Variants in GPR161 observed in about 807,000 individuals in gnomAD.
GPR161 encodes G protein-coupled receptor 161.
A neutral mutation model predicts 39.2 loss-of-function variants in GPR161; 25 were observed. That is an observed-to-expected ratio of 0.64 (90% CI 0.47 to 0.89). GPR161 has a LOEUF of 0.89. Ranked by LOEUF, GPR161 falls within the 40% of genes least tolerant of loss-of-function variation. GPR161 has a pLI of 0.00. For missense variants in GPR161, 547 were observed against 677.8 expected (o/e 0.81, Z 2.14); for synonymous variants, 286 against 276.6 (o/e 1.03, Z -0.34).
At position 168,100,488 on chromosome 1, in the gene GPR161, G is replaced by A. The variant is rs1383972372; in HGVS notation, c.375-3256C>T. On this transcript the variant is annotated intron_variant, in intron 2 of 5. Coordinates refer to ENST00000682931, the MANE Select transcript of GPR161 (RefSeq NM_001375883.1). ...TTTCCTCCAACTCATTTTTAGACAT[G>A]AGCCCAATCACGACCCTTGAACCCT... Among the ~76,000 whole-genome samples the A allele has an allele frequency of 3.9e-5, 6 of 152,216 alleles. No homozygotes were observed. The Middle Eastern group carries it at 0.017, about 431-fold the overall frequency.
chr1:168,136,056 G>C, intron 1 of GPR161: 2 of 1,249,488 alleles, frequency 1.6e-6, no homozygotes, highest in East Asian at 3.2e-5. Context: ...AGGTTGCACG[G>C]GGGTTAAGCT....
chr1:168,091,301 G>A (rs1402313538), intron 3 of GPR161, among the ~76,000 whole-genome samples: 2 of 152,178 alleles, frequency 1.3e-5, no homozygotes, highest in East Asian at 1.9e-4. Context: ...TAGGAGAGGA[G>A]AGAGAGTGAG....
At chr1:168,136,416 C>A (rs922403722) in intron 1 of GPR161, 7 of 1,360,142 alleles carry the variant, frequency 5.1e-6, no homozygotes, top group Non-Finnish European at 5.7e-6. Context: ...TGTTTAGGGG[C>A]TTCGGGCGGC....
chr1:168,122,671 T>C (rs764617652), intron 1 of GPR161, among the ~76,000 whole-genome samples: 1 of 152,226 alleles, frequency 6.6e-6, no homozygotes, highest in Non-Finnish European at 1.5e-5. Flanking sequence ...CCATCAAGCA[T>C]GCTTCCAGCT....
intron 1 of GPR161, among the ~76,000 whole-genome samples, chr1:168,123,504 C>CTA (rs1296612598): frequency 6.8e-6 from 1 of 146,232 alleles, no homozygotes; most frequent in African/African-American, 2.6e-5. Flanking sequence ...CTATATCTAT[C>CTA]TATATAGATA....
chr1:168,087,698 T>C lies in GPR161; in HGVS notation c.1211A>G (p.Asp404Gly), dbSNP rs1323327837. The C allele has an allele frequency of 6.2e-7, 1 of 1,611,254 alleles. No homozygotes were observed. Among genetic ancestry groups the C allele is most frequent in the Non-Finnish European group, 8.5e-7 (1 of 1,178,290 alleles). Reference protein sequence around the residue: ...GFSCSQDSGTDMMLLEDYTSD... With the variant: ...GFSCSQDSGTGMMLLEDYTSD... ...CGTGTAGTCCTCAAGCAGCATCATA[T>C]CTGTCCCTAAAACAACGGGCAGATT... The change falls in exon 5 of 6, where the codon GAT (aspartate) becomes GGT (glycine). Residue 404 changes from aspartate (D) to glycine (G), a missense_variant. Transcript: ENST00000682931.
chr1:168,087,697 A>T lies in GPR161; in HGVS notation c.1212T>A (p.Asp404Glu), dbSNP rs151083551. The change falls in exon 5 of 6, where the codon GAT (aspartate) becomes GAA (glutamate). Residue 404 changes from aspartate (D) to glutamate (E), a missense_variant. Physicochemically the swap from Asp to Glu is conservative, Grantham distance 45 (BLOSUM62 2). Transcript: ENST00000682931. ...GFSCSQDSGT[D>E]MMLLEDYTSD... ...ACGTGTAGTCCTCAAGCAGCATCATATCTGTCCCTAAAACAACGGGCAGAT... is the reference window on the plus strand; with the variant it reads ...ACGTGTAGTCCTCAAGCAGCATCATTTCTGTCCCTAAAACAACGGGCAGAT... The T allele has an allele frequency of 3.2e-5, 52 of 1,611,260 alleles. No individual in the cohort carries two copies. In the Admixed American group the frequency reaches 4.3e-4, roughly 13 times the overall value.
rs1175750038 is a variant in GPR161 at position 168,098,029 on chromosome 1, C to T, written c.375-797G>A. ...TCAGTGCTGCTAGGTAGGAGGTGGG[C>T]CAGGAGGGCTATCCATTCAAACTGG... On this transcript the variant is annotated intron_variant, in intron 2 of 5. Transcript: ENST00000682931. This position sits in a 1 kb window ranked among gnomAD's most constrained non-coding sequence, Gnocchi z 4.1. Among the ~76,000 whole-genome samples, 1 of 152,122 alleles carries T rather than the reference C, an allele frequency of 6.6e-6. No individual in the cohort carries two copies. Among genetic ancestry groups the T allele is most frequent in the Non-Finnish European group, 1.5e-5 (1 of 67,996 alleles).
intron 1 of GPR161, among the ~76,000 whole-genome samples, chr1:168,108,486 T>TAAAAAAAAAAA (rs10670498): frequency 0.028 from 489 of 17,454 alleles, 142 homozygotes; most frequent in South Asian, 0.037. Flanking sequence ...GCCCTAGTTG[T>TAAAAAAAAAAA]AAAAAAAAAA....
In GPR161 at chr1:168,106,556, C is replaced by T. The variant is rs531692538; in HGVS notation, c.-44-1662G>A. On this transcript the variant is annotated intron_variant, in intron 1 of 5. Transcript: ENST00000682931. Reference sequence around the variant, plus strand: ...GTGAGCTGTTTGTGTCACTGAGCTCCAGCCTGGGTGACAAAGCAAGACCCT... The same window carrying T: ...GTGAGCTGTTTGTGTCACTGAGCTCTAGCCTGGGTGACAAAGCAAGACCCT... Among the ~76,000 whole-genome samples, 3 of 152,314 alleles carry T rather than the reference C, an allele frequency of 2.0e-5. No individual in the cohort carries two copies. The East Asian group carries it at 5.8e-4, about 29-fold the overall frequency.
chr1:168,112,370 C>A (rs1247846874), intron 1 of GPR161, among the ~76,000 whole-genome samples: 1 of 150,988 alleles, frequency 6.6e-6, no homozygotes, highest in Non-Finnish European at 1.5e-5. Context: ...GTCCCAGCTA[C>A]TCGGGAGGCT....
At position 168,085,665 on chromosome 1, in the gene GPR161, C is replaced by T. The variant is rs1694417127; in HGVS notation, c.1456G>A (p.Gly486Arg). Residue 486 changes from glycine (G) to arginine (R), a missense_variant, in exon 6 of 6, where the codon GGG becomes AGG. Gly to Arg is a moderately radical substitution (Grantham distance 125, BLOSUM62 -2). Transcript: ENST00000682931. Reference sequence around the variant, plus strand: ...ACAGTCCGTGCTGTAACCAAGACCCCTGGCAAAGCCTCCTCCCCAAATAAG... The same window carrying T: ...ACAGTCCGTGCTGTAACCAAGACCCTTGGCAAAGCCTCCTCCCCAAATAAG... Reference protein sequence around the residue: ...INLFGEEALPGVLVTARTVPG... With the variant: ...INLFGEEALPRVLVTARTVPG... 6.2e-7 allele frequency: 1 copy of T among 1,614,146 alleles called. No homozygotes were observed. The highest frequency in any genetic ancestry group is 1.3e-5 in the African/African-American group (1 of 74,958).
At chr1:168,085,894 G>A (rs1694448034) in intron 5 of GPR161, 98 bp from the exon 6 acceptor site, 1 of 1,067,908 alleles carries the variant, frequency 9.4e-7, no homozygotes, top group African/African-American at 1.6e-5. Context: ...CGGGGAGGGA[G>A]ACAAACCGCA....
At chr1:168,092,968 G>A (rs1419368473) in intron 3 of GPR161, among the ~76,000 whole-genome samples, 1 of 152,158 alleles carries the variant, frequency 6.6e-6, no homozygotes, top group Non-Finnish European at 1.5e-5. Flanking sequence ...TGGCTGGGGA[G>A]AGGGGTGGTG....
intron 1 of GPR161, chr1:168,136,400 G>A (rs757883786): frequency 7.1e-7 from 1 of 1,403,926 alleles, no homozygotes; most frequent in South Asian, 1.5e-5. Flanking sequence ...CTCCCATCCA[G>A]CGGACTGTTT....
rs754706742 is a variant in GPR161 at position 168,097,145 on chromosome 1, G to A, written c.462C>T (p.His154=). 85 of 1,614,030 alleles carry A rather than the reference G, an allele frequency of 5.3e-5. No homozygotes were observed. The highest frequency in any genetic ancestry group is 4.0e-4 in the Admixed American group (24 of 60,016). ...AVMALVYIWL[H]SLIGCLPPLF... Reference sequence around the variant, plus strand: ...GGGGTGGCAGGCAGCCGATGAGCGAGTGAAGCCAGATGTAGACAAGTGCCA... The same window carrying A: ...GGGGTGGCAGGCAGCCGATGAGCGAATGAAGCCAGATGTAGACAAGTGCCA... The change falls in exon 3 of 6, where the codon CAC becomes CAT. Residue 154 remains histidine, a synonymous_variant. Transcript: ENST00000682931.
chr1:168,094,047 A>T (rs1003240140), intron 3 of GPR161, among the ~76,000 whole-genome samples: 18 of 152,070 alleles, frequency 1.2e-4, no homozygotes, highest in Non-Finnish European at 1.5e-5. Context: ...CTAAATGAAG[A>T]TGAGACCACC....
chr1:168,102,546 G>A (rs1490226105), intron 2 of GPR161, among the ~76,000 whole-genome samples: 1 of 152,118 alleles, frequency 6.6e-6, no homozygotes, highest in Admixed American at 6.5e-5. Context: ...CCTGAAAGAG[G>A]TAAACCCTCT....
At chr1:168,131,090 C>A (rs1044108494) in intron 1 of GPR161, among the ~76,000 whole-genome samples, 2 of 152,126 alleles carry the variant, frequency 1.3e-5, no homozygotes, top group African/African-American at 4.8e-5. Context: ...CACAGACATC[C>A]AATGCATCAC....
Sources: gnomAD v4.1 joint callset for allele counts (sites outside exome capture counted in the v4.1 genomes callset) on GRCh38, gnomAD v4.1.1 for gene constraint, Gnocchi (gnomAD v3.1) non-coding constraint, MANE v1.5 for transcripts, NCBI Gene and HGNC (gene_info 2026-07-23, HGNC 2026-07-21) for gene names.